TPP2: variants seen among roughly 807,000 people sequenced by gnomAD.
The protein encoded by TPP2 is tripeptidyl peptidase 2, also known as tripeptidyl-peptidase 2.
Under a neutral mutation model 155.9 loss-of-function variants are expected in TPP2, and 34 were observed. The observed-to-expected ratio is 0.22, with a 90% CI of 0.17 to 0.29. The LOEUF is 0.29. Ranked by LOEUF, TPP2 falls within the 10% of genes least tolerant of loss-of-function variation. TPP2 has a pLI of 1.00. For synonymous variants in TPP2, 510 were observed against 529.4 expected (o/e 0.96, Z 0.50); for missense variants, 1,028 against 1,522.3 (o/e 0.68, Z 5.40).
At chr13:102,671,317 A>G (rs965273994) in intron 27 of TPP2, among the ~76,000 whole-genome samples, 19 of 152,214 alleles carry the variant, frequency 1.2e-4, no homozygotes, top group African/African-American at 4.6e-4. Context: ...CTTTTTGGGA[A>G]TGAGGAAAAT....
At chr13:102,649,178 C>A in intron 22 of TPP2, 27 bp downstream of exon 22, 1 of 1,578,770 alleles carries the variant, frequency 6.3e-7, no homozygotes, top group Non-Finnish European at 8.6e-7. Flanking sequence ...CTTATACTTA[C>A]TGCCCATCGT....
At position 102,650,803 on chromosome 13, in the gene TPP2, G is replaced by A. The variant is rs190019739; in HGVS notation, c.2953-556G>A. Among the ~76,000 whole-genome samples the A allele has an allele frequency of 6.7e-4, 102 of 152,298 alleles. 1 individual carries two copies. The highest frequency in any genetic ancestry group is 3.4e-3 in the Middle Eastern group (1 of 294). ...TGTGAAATTAAATTATAAATATGTG[G>A]TGTTAACTATGGTAGCTATTTATCA... On this transcript the variant is annotated intron_variant, in intron 23 of 29. Coordinates refer to ENST00000376052, the MANE Select transcript of TPP2 (RefSeq NM_001330588.2).
At chr13:102,628,645 G>A (rs1293322821) in intron 8 of TPP2, among the ~76,000 whole-genome samples, 1 of 151,842 alleles carries the variant, frequency 6.6e-6, no homozygotes, top group Non-Finnish European at 1.5e-5. Context: ...CATAGTAGTA[G>A]CTATTTGAAA....
intron 10 of TPP2, among the ~76,000 whole-genome samples, chr13:102,633,134 G>A (rs549404309): frequency 2.6e-5 from 4 of 152,228 alleles, no homozygotes; most frequent in African/African-American, 9.6e-5. Flanking sequence ...GGAGGCGGAA[G>A]TGTGCTATTC....
rs754902093 is a variant in TPP2 at position 102,597,112 on chromosome 13, C to T, written c.74C>T (p.Ser25Phe). Residue 25 changes from serine (S) to phenylalanine (F), a missense_variant, in exon 1 of 30, where the codon TCC (serine) becomes TTC (phenylalanine). By Grantham distance (155) the Ser-to-Phe change is radical. Transcript: ENST00000376052. The part of the protein sequence containing the change: ...LLPKKETGAA[S>F]FLCRYPEYDG... Reference sequence around the variant, plus strand: ...CCGAAGAAGGAGACCGGAGCCGCCTCCTTCCTCTGCCGCTACCCGGAGTAT... The same window carrying T: ...CCGAAGAAGGAGACCGGAGCCGCCTTCTTCCTCTGCCGCTACCCGGAGTAT... The T allele has an allele frequency of 6.2e-7, 1 of 1,611,402 alleles. No homozygotes were observed. The highest frequency in any genetic ancestry group is 8.5e-7 in the Non-Finnish European group (1 of 1,179,236).
intron 20 of TPP2, 99 bp from the exon 21 acceptor site, chr13:102,647,108 T>G: frequency 7.3e-7 from 1 of 1,365,134 alleles, no homozygotes; most frequent in South Asian, 1.7e-5. Context: ...TTTTTAATGT[T>G]TTTTAAATGA....
At chr13:102,673,997 T>A (rs549264008) in intron 27 of TPP2, among the ~76,000 whole-genome samples, 3 of 152,264 alleles carry the variant, frequency 2.0e-5, no homozygotes, top group East Asian at 3.9e-4. Context: ...GCTAAAAAAA[T>A]TTAGAATAGT....
intron 18 of TPP2, 31 bp downstream of exon 18, chr13:102,644,704 A>G (rs1882988021): frequency 1.9e-6 from 3 of 1,562,144 alleles, no homozygotes; most frequent in Non-Finnish European, 2.6e-6. Flanking sequence ...ATGATTTTTA[A>G]TGTCAGTTAC....
At chr13:102,668,903 G>T (rs895947968) in intron 27 of TPP2, among the ~76,000 whole-genome samples, 1 of 152,172 alleles carries the variant, frequency 6.6e-6, no homozygotes, top group Middle Eastern at 3.2e-3. Context: ...GTCTGAAGAA[G>T]CTGCATCATC....
intron 24 of TPP2, chr13:102,654,983 T>A (rs752557136): frequency 2.0e-6 from 1 of 508,496 alleles, no homozygotes. Flanking sequence ...TAGACCTGTT[T>A]CCTTTTCCCA....
At chr13:102,651,216 A>T in intron 23 of TPP2, 143 bp from the exon 24 acceptor site, 1 of 735,312 alleles carries the variant, frequency 1.4e-6, no homozygotes. Context: ...CTTTAAAAGC[A>T]TGCCATCTTA....
Position 102,678,447 on chromosome 13 carries a change from GTATT to G in TPP2, c.*135_*138del, listed in dbSNP as rs1309093151. On this transcript the variant is annotated 3_prime_UTR_variant, in exon 30 of 30. Transcript: ENST00000376052. ...CCAGTACTGATTATTAAAATGACAT[GTATT>G]TATCAGAGAATTCACTGACGTGTGG... 1.5e-6 allele frequency: 1 copy of G among 688,162 alleles called. No individual in the cohort carries two copies. The highest frequency in any genetic ancestry group is 1.8e-5 in the African/African-American group (1 of 54,898). 42.6% of individuals were successfully genotyped at this position (688,162 alleles called of 1,614,324 possible).
chr13:102,632,362 C>T (rs1339690018), intron 10 of TPP2, among the ~76,000 whole-genome samples: 1 of 151,898 alleles, frequency 6.6e-6, no homozygotes, highest in African/African-American at 2.4e-5. Context: ...CTGCCTCAGC[C>T]TCCCAAGTAG....
chr13:102,605,234 C>G (rs1879731060), intron 2 of TPP2, among the ~76,000 whole-genome samples: 1 of 152,216 alleles, frequency 6.6e-6, no homozygotes. Flanking sequence ...TGGTGGGTCA[C>G]TGGCAGGCCT....
At chr13:102,618,931 G>C (rs778841127) in intron 5 of TPP2, 85 bp downstream of exon 5, 221 of 1,448,406 alleles carry the variant, frequency 1.5e-4, no homozygotes, top group Non-Finnish European at 2.0e-4. Context: ...GAGCTGCACA[G>C]AATTTTGGTT....
chr13:102,618,452 C>G (rs1880912335), intron 4 of TPP2, among the ~76,000 whole-genome samples: 2 of 152,142 alleles, frequency 1.3e-5, no homozygotes, highest in Non-Finnish European at 2.9e-5. Context: ...ACGTGTAGCA[C>G]AGTGTATTTC....
In TPP2 at chr13:102,670,253, A is replaced by G. The variant is rs141299009; in HGVS notation, c.3372-4030A>G. ...TAACTGAAGTAGTTTATTGGCAGGA[A>G]GGGCATGTTCTATATGGCCTTTGTA... On this transcript the variant is annotated intron_variant, in intron 27 of 29. Transcript: ENST00000376052. 5.2e-3 allele frequency among the ~76,000 whole-genome samples: 792 copies of G among 152,292 alleles called. 5 individuals are homozygous for G. Among genetic ancestry groups the G allele is most frequent in the African/African-American group, 0.018 (738 of 41,554 alleles).
At chr13:102,653,260 G>A (rs897843830) in intron 24 of TPP2, among the ~76,000 whole-genome samples, 7 of 152,046 alleles carry the variant, frequency 4.6e-5, no homozygotes, top group Non-Finnish European at 7.4e-5. Context: ...TATAATTTCC[G>A]GTTGATTAAG....
At chr13:102,639,679 C>T (rs1444152732) in intron 15 of TPP2, among the ~76,000 whole-genome samples, 1 of 152,210 alleles carries the variant, frequency 6.6e-6, no homozygotes, top group African/African-American at 2.4e-5. Flanking sequence ...ATGTAGTAGG[C>T]ACTCATTTAA....
Sources: gnomAD v4.1 joint callset for allele counts (sites outside exome capture counted in the v4.1 genomes callset) on GRCh38, gnomAD v4.1.1 for gene constraint, MANE v1.5 for transcripts, NCBI Gene and HGNC (gene_info 2026-07-23, HGNC 2026-07-21) for gene names.